Variants in TMEM62 observed in about 807,000 individuals in gnomAD.
The protein encoded by TMEM62 is transmembrane protein 62.
Under a neutral mutation model 70.4 loss-of-function variants are expected in TMEM62, and 41 were observed. The ratio of observed to expected loss-of-function variants is 0.58; its 90% CI spans 0.45 to 0.76. TMEM62 has a LOEUF of 0.76. Among genes scored for constraint, TMEM62 ranks in the 30% least tolerant of loss-of-function variants. The pLI is 0.00. For missense variants in TMEM62, 688 were observed against 788.5 expected (o/e 0.87, Z 1.53); for synonymous variants, 268 against 291.0 (o/e 0.92, Z 0.80).
chr15:43,135,208 C>T (rs2035041508), intron 2 of TMEM62, among the ~76,000 whole-genome samples: 1 of 152,318 alleles, frequency 6.6e-6, no homozygotes, highest in Middle Eastern at 3.4e-3. Flanking sequence ...AAATCATTTT[C>T]ATTTTATCAG....
At chr15:43,168,870 G>A (rs936036818) in intron 10 of TMEM62, 1 of 152,288 alleles carries the variant, frequency 6.6e-6, no homozygotes, top group Admixed American at 6.5e-5. Context: ...GCTGGTGCTG[G>A]AGCTAGCTGG....
Position 43,181,204 on chromosome 15 carries a change from A to C in TMEM62, c.1510A>C (p.Ile504Leu). ...AGGTCCATGGTTTTTTGGTGAAATC[A>C]TTGATGGCAAATTTGGTTGCTGCTT... is the stretch of plus-strand genomic sequence containing the variant. ...VLGPWFFGEI[I>L]DGKFGCCFSF... is the part of the protein sequence containing the mutation. Residue 504 changes from isoleucine (I) to leucine (L), a missense_variant, in exon 13 of 14, where the codon ATT becomes CTT. Ile to Leu is a conservative substitution (Grantham distance 5). Coordinates refer to ENST00000260403, the MANE Select transcript of TMEM62 (RefSeq NM_024956.4). The C allele has an allele frequency of 6.2e-7, 1 of 1,613,796 alleles. No individual in the cohort carries two copies. The highest frequency in any genetic ancestry group is 1.7e-5 in the Admixed American group (1 of 60,024).
At position 43,143,135 on chromosome 15, in the gene TMEM62, C is replaced by T. The variant is rs890521260; in HGVS notation, c.477-3358C>T. Among the ~76,000 whole-genome samples, 6 of 152,102 alleles carry T rather than the reference C, an allele frequency of 3.9e-5. No homozygotes were observed. The East Asian group carries it at 9.7e-4, about 25-fold the overall frequency. ...GGAGTGCAGTGGCACCATCTTGGCT[C>T]ACTGCAACCTCCACCTCCCTGGTTC... On this transcript the variant is annotated intron_variant, in intron 4 of 13. Coordinates refer to ENST00000260403, the MANE Select transcript of TMEM62 (RefSeq NM_024956.4).
Position 43,184,577 on chromosome 15 carries a change from G to A in TMEM62, c.1923G>A (p.Leu641=), listed in dbSNP as rs1243854320. 1 of 1,609,414 alleles carries A rather than the reference G, an allele frequency of 6.2e-7. No individual in the cohort carries two copies. Residue 641 remains leucine, a synonymous_variant, in exon 14 of 14, where the codon CTG becomes CTA. Coordinates refer to ENST00000260403, the MANE Select transcript of TMEM62 (RefSeq NM_024956.4). ...TCATGGTGCAGTTAAAAAGCCACCT[G>A]AGCTCCTGAAGGCCATGTCTCACCA... ...GIFMVQLKSH[L]SS is the part of the protein sequence containing the mutation.
intron 5 of TMEM62, among the ~76,000 whole-genome samples, chr15:43,147,830 T>C (rs2036866644): frequency 6.6e-6 from 1 of 152,202 alleles, no homozygotes; most frequent in African/African-American, 2.4e-5. Context: ...TGTTACAAAA[T>C]ACAGATTCCC....
At chr15:43,175,999 T>C (rs7183024) in intron 11 of TMEM62, among the ~76,000 whole-genome samples, 6,928 of 151,740 alleles carry the variant, frequency 0.046, 507 homozygotes, top group African/African-American at 0.15. Flanking sequence ...GCTTTTCTGA[T>C]GGGCTTAAAA....
At chr15:43,158,369 G>T (rs987068457) in intron 9 of TMEM62, among the ~76,000 whole-genome samples, 3 of 152,160 alleles carry the variant, frequency 2.0e-5, no homozygotes. Flanking sequence ...GTCAAGGAGA[G>T]GGGATCCTGA....
chr15:43,162,846 G>A (rs1246785857), intron 10 of TMEM62, among the ~76,000 whole-genome samples: 1 of 151,992 alleles, frequency 6.6e-6, no homozygotes, highest in Non-Finnish European at 1.5e-5. Context: ...CTCTAATATA[G>A]TTTCTTGGGA....
chr15:43,183,987 C>T (rs1216946275), intron 13 of TMEM62: 9 of 460,946 alleles, frequency 2.0e-5, no homozygotes, highest in South Asian at 1.9e-4. Flanking sequence ...CAGCTTAACA[C>T]CATTGGGTAT....
At chr15:43,152,041 C>T in intron 8 of TMEM62, 96 bp downstream of exon 8, 1 of 899,268 alleles carries the variant, frequency 1.1e-6, no homozygotes, top group Non-Finnish European at 1.6e-6. Context: ...TGAGATGCCC[C>T]ATTTTAGTTT....
intron 7 of TMEM62, among the ~76,000 whole-genome samples, chr15:43,150,597 A>G (rs1469696722): frequency 6.6e-6 from 1 of 152,258 alleles, no homozygotes; most frequent in African/African-American, 2.4e-5. Context: ...ATCCAGAAAT[A>G]TCAGTGGCTT....
chr15:43,139,128 T>C (rs1286612593), intron 4 of TMEM62, among the ~76,000 whole-genome samples: 2 of 152,230 alleles, frequency 1.3e-5, no homozygotes, highest in Non-Finnish European at 2.9e-5. Flanking sequence ...CTGTGTCTCA[T>C]TTTGGTAATT....
chr15:43,134,026 G>C, intron 1 of TMEM62, 44 bp downstream of exon 1: 2 of 1,437,814 alleles, frequency 1.4e-6, no homozygotes, highest in Non-Finnish European at 9.1e-7. Flanking sequence ...TGCAGATCGG[G>C]CACCGTGCGG....
chr15:43,174,678 G>C (rs1176753474), intron 11 of TMEM62, among the ~76,000 whole-genome samples: 3 of 152,162 alleles, frequency 2.0e-5, no homozygotes, highest in Non-Finnish European at 4.4e-5. Context: ...AATTGTCCAA[G>C]GTTTCATAGC....
At position 43,143,000 on chromosome 15, in the gene TMEM62, C is replaced by T. The variant is rs184232115; in HGVS notation, c.477-3493C>T. Among the ~76,000 whole-genome samples the T allele has an allele frequency of 8.5e-5, 13 of 152,196 alleles. No homozygotes were observed. In the East Asian group the frequency reaches 2.5e-3, roughly 29 times the overall value. The stretch of plus-strand genomic sequence containing the variant: ...AAGTATTTATAAATTAAGGTATGTG[C>T]ATTGTTTTTCTAGACATGATGCAAT... On this transcript the variant is annotated intron_variant, in intron 4 of 13. Transcript: ENST00000260403.
intron 4 of TMEM62, among the ~76,000 whole-genome samples, chr15:43,143,451 C>T (rs749216708): frequency 9.9e-5 from 15 of 152,176 alleles, no homozygotes; most frequent in Non-Finnish European, 1.9e-4. Flanking sequence ...TGTCAGGAAC[C>T]ACAATATCTC....
intron 10 of TMEM62, among the ~76,000 whole-genome samples, chr15:43,169,338 A>C (rs1161199482): frequency 6.6e-6 from 1 of 152,182 alleles, no homozygotes; most frequent in Admixed American, 6.5e-5. Flanking sequence ...CTTTTACTTT[A>C]TCACTCTAGA....
At chr15:43,136,821 A>G (rs2035288471) in intron 3 of TMEM62, among the ~76,000 whole-genome samples, 2 of 152,076 alleles carry the variant, frequency 1.3e-5, no homozygotes, top group African/African-American at 4.8e-5. Flanking sequence ...GTGTGAGTAT[A>G]GCTCATTGCA....
At position 43,134,411 on chromosome 15, in the gene TMEM62, A is replaced by C. The variant is rs755480581; in HGVS notation, c.292+43A>C. 6.1e-6 allele frequency: 9 copies of C among 1,484,644 alleles called. No individual in the cohort carries two copies. In the East Asian group the frequency reaches 2.0e-4, roughly 34 times the overall value. The allele number at this position is 1,484,644 out of a possible 1,614,324, so 92.0% of individuals were successfully genotyped here. On this transcript the variant is annotated intron_variant, in intron 2 of 13. Transcript: ENST00000260403. ...GCTGTGGTGGTGGTCTGTGGTCCGC[A>C]TGGTAGAACTCTAGCCAGGGCTGTG...
Sources: gnomAD v4.1 joint callset for allele counts (sites outside exome capture counted in the v4.1 genomes callset) on GRCh38, gnomAD v4.1.1 for gene constraint, MANE v1.5 for transcripts, NCBI Gene and HGNC (gene_info 2026-07-23, HGNC 2026-07-21) for gene names.